The following DLG5 variants were observed in gnomAD, a reference collection of about 807,000 sequenced individuals.
DLG5 encodes discs large MAGUK scaffold protein 5, also known as disks large homolog 5.
DLG5 carries 48 observed loss-of-function variants against 189.8 expected under a neutral mutation model. The observed-to-expected ratio is 0.25, with a 90% CI of 0.20 to 0.32. DLG5 has a LOEUF of 0.32. Among genes scored for constraint, DLG5 ranks in the 10% least tolerant of loss-of-function variants. The pLI, the probability that DLG5 is intolerant of heterozygous loss-of-function variation, is 1.00. For missense variants in DLG5, 2,160 were observed against 2,544.7 expected (o/e 0.85, Z 3.25); for synonymous variants, 1,016 against 1,054.1 (o/e 0.96, Z 0.70).
At chr10:77,859,246 A>C (rs1844378751) in intron 2 of DLG5, among the ~76,000 whole-genome samples, 1 of 152,268 alleles carries the variant, frequency 6.6e-6, no homozygotes, top group African/African-American at 2.4e-5. Context: ...TAAAGTTTAT[A>C]AAGTAAAAAA....
At chr10:77,888,659 C>T (rs961166230) in intron 1 of DLG5, among the ~76,000 whole-genome samples, 6 of 152,144 alleles carry the variant, frequency 3.9e-5, no homozygotes, top group African/African-American at 1.4e-4. Flanking sequence ...GGAATGCGCC[C>T]AAATCCACCT....
In DLG5 at chr10:77,805,732, C is replaced by T. The variant is rs572783968; in HGVS notation, c.5097G>A (p.Gly1699=). The stretch of plus-strand genomic sequence containing the variant: ...CGAGCAGGTCTTTCCCGTCCTTGGA[C>T]CCGCTGCGTTTGTGCTTGTGTTTCC... ...FRRKHKHKRS[G]SKDGKDLLAL... is the part of the protein sequence containing the mutation. The change falls in exon 27 of 32, where the codon GGG becomes GGA. Residue 1699 remains glycine (G), a synonymous_variant. Transcript: ENST00000372391. 7 of 1,614,132 alleles carry T rather than the reference C, an allele frequency of 4.3e-6. No homozygotes were observed. The highest frequency in any genetic ancestry group is 1.1e-5 in the South Asian group (1 of 91,068).
At chr10:77,923,390 G>A (rs2131876868) in intron 1 of DLG5, among the ~76,000 whole-genome samples, 1 of 152,218 alleles carries the variant, frequency 6.6e-6, no homozygotes, top group Non-Finnish European at 1.5e-5. Context: ...TTGACCATAA[G>A]GAATACTTCC....
intron 1 of DLG5, among the ~76,000 whole-genome samples, chr10:77,881,349 G>C (rs1402320619): frequency 3.3e-5 from 5 of 152,104 alleles, no homozygotes; most frequent in Non-Finnish European, 7.4e-5. Context: ...CTACTGGCAG[G>C]TCAGGAGCTC....
intron 27 of DLG5, among the ~76,000 whole-genome samples, chr10:77,797,310 G>C: frequency 6.6e-6 from 1 of 152,222 alleles, no homozygotes; most frequent in East Asian, 1.9e-4. Context: ...TCCTTGCAGG[G>C]AGACACAGTC....
intron 2 of DLG5, among the ~76,000 whole-genome samples, chr10:77,857,523 G>A (rs924617393): frequency 6.6e-6 from 1 of 152,226 alleles, no homozygotes; most frequent in Non-Finnish European, 1.5e-5. Context: ...GCTGAGGTCA[G>A]TGTGACGCAA....
the DLG5 span, among the ~76,000 whole-genome samples, chr10:77,933,904 C>T: frequency 0.051 from 7,746 of 150,800 alleles, 687 homozygotes; most frequent in African/African-American, 0.18. Context: ...GAGAGTAGGC[C>T]GGGCACGGTG....
At position 77,871,639 on chromosome 10, in the gene DLG5, T is replaced by C. The variant is rs1044768650; in HGVS notation, c.305-2442A>G. On this transcript the variant is annotated intron_variant, in intron 1 of 31. Coordinates refer to ENST00000372391, the MANE Select transcript of DLG5 (RefSeq NM_004747.4). The stretch of plus-strand genomic sequence containing the variant: ...CTCACTGCAACCTCCACCTCCTGGG[T>C]TCAAGCGATTCTCCTGCCCCAGCCT... 4.9e-5 allele frequency among the ~76,000 whole-genome samples: 7 copies of C among 143,838 alleles called. No individual in the cohort carries two copies. The Admixed American group carries it at 5.3e-4, about 11-fold the overall frequency. The allele number at this position is 143,838 out of a possible 152,430, so 94.4% of individuals were successfully genotyped here.
chr10:77,888,395 C>A lies in DLG5; in HGVS notation c.305-19198G>T, dbSNP rs541827788. 2.1e-4 allele frequency among the ~76,000 whole-genome samples: 32 copies of A among 152,234 alleles called. No individual in the cohort carries two copies. The South Asian group carries it at 6.4e-3, about 31-fold the overall frequency. ...TGTCAGCACCTCTTCCCTCGGGTGA[C>A]CTACAAGGTCCTGGAGAGGAAAATG... On this transcript the variant is annotated intron_variant, in intron 1 of 31. Coordinates refer to ENST00000372391, the MANE Select transcript of DLG5 (RefSeq NM_004747.4).
chr10:77,814,011 C>T (rs1484207290), intron 20 of DLG5, among the ~76,000 whole-genome samples: 1 of 152,012 alleles, frequency 6.6e-6, no homozygotes, highest in East Asian at 1.9e-4. Context: ...CAGATTCTTG[C>T]TCTGTCACCC....
At chr10:77,868,666 C>G (rs145643946) in intron 2 of DLG5, 2 of 221,438 alleles carry the variant, frequency 9.0e-6, no homozygotes, top group African/African-American at 4.8e-5. Flanking sequence ...GAAACCACTG[C>G]GGCCTTCCTG....
intron 1 of DLG5, among the ~76,000 whole-genome samples, chr10:77,884,433 C>A (rs1344092317): frequency 2.6e-5 from 4 of 152,176 alleles, no homozygotes; most frequent in African/African-American, 9.7e-5. Flanking sequence ...TGGGAAAGGA[C>A]CCCACAGTGG....
intron 2 of DLG5, among the ~76,000 whole-genome samples, chr10:77,862,199 T>G (rs1844498420): frequency 6.6e-6 from 1 of 152,162 alleles, no homozygotes. Flanking sequence ...CAAGACCAAA[T>G]TCTACAGCAA....
upstream of DLG5, among the ~76,000 whole-genome samples, chr10:77,930,404 G>A (rs1478572827): frequency 6.6e-6 from 1 of 151,654 alleles, no homozygotes; most frequent in African/African-American, 2.4e-5. Flanking sequence ...CTGGAGTGCA[G>A]TGGCGTGATT....
intron 1 of DLG5, among the ~76,000 whole-genome samples, chr10:77,894,126 G>A (rs1216468842): frequency 1.3e-5 from 2 of 152,338 alleles, no homozygotes; most frequent in African/African-American, 4.8e-5. Context: ...TAGCCTGTGT[G>A]TGTGAGAGGC....
In DLG5 at chr10:77,796,090, C is replaced by T. The variant is rs779438880; in HGVS notation, c.5407G>A (p.Val1803Met). Residue 1803 changes from valine to methionine, a missense_variant, in exon 29 of 32, where the codon GTG (valine) becomes ATG (methionine). Val to Met is a conservative substitution (Grantham distance 21). Transcript: ENST00000372391. The surrounding 1 kb of genome is among the most constrained non-coding windows in gnomAD (Gnocchi z 5.2). ...RRSGHFDVTT[V>M]ASIKEITEKN... Reference sequence around the variant, plus strand: ...TCTGTGATCTCCTTTATTGACGCCACAGTGGTCACATCGAAATGGCCGCTT... The same window carrying T: ...TCTGTGATCTCCTTTATTGACGCCATAGTGGTCACATCGAAATGGCCGCTT... 6.8e-6 allele frequency: 11 copies of T among 1,614,214 alleles called. No individual in the cohort carries two copies. The Admixed American group carries it at 1.3e-4, about 20-fold the overall frequency.
chr10:77,871,687 T>G (rs1844908232), intron 1 of DLG5, among the ~76,000 whole-genome samples: 2 of 151,680 alleles, frequency 1.3e-5, no homozygotes, highest in African/African-American at 4.8e-5. Flanking sequence ...GGATTACAGG[T>G]GCCCACCACC....
intron 1 of DLG5, among the ~76,000 whole-genome samples, chr10:77,893,997 C>T (rs371114013): frequency 6.6e-6 from 1 of 152,220 alleles, no homozygotes; most frequent in African/African-American, 2.4e-5. Flanking sequence ...ACAAAACCTC[C>T]GTTCCCAAAC....
At chr10:77,878,569 T>C (rs929527737) in intron 1 of DLG5, among the ~76,000 whole-genome samples, 2 of 152,148 alleles carry the variant, frequency 1.3e-5, no homozygotes, top group Non-Finnish European at 2.9e-5. Context: ...AAGCTCTGCA[T>C]TGAGTACTCT....
Sources: allele counts gnomAD v4.1 joint callset (sites outside exome capture counted in the v4.1 genomes callset), GRCh38; gene constraint gnomAD v4.1.1; non-coding constraint Gnocchi (gnomAD v3.1); transcripts MANE v1.5; gene names NCBI Gene and HGNC (gene_info 2026-07-23, HGNC 2026-07-21).